The following KIF16B variants were observed in gnomAD, a reference collection of about 807,000 sequenced individuals.
KIF16B encodes kinesin family member 16B, also known as kinesin-like protein KIF16B.
In KIF16B, 98 loss-of-function variants were observed where a neutral mutation model predicts 156.3. The observed-to-expected ratio is 0.63, with a 90% CI of 0.53 to 0.74. KIF16B has a LOEUF of 0.74. Among genes scored for constraint, KIF16B ranks in the 30% least tolerant of loss-of-function variants. The pLI, the probability that KIF16B is intolerant of heterozygous loss-of-function variation, is 0.00. For missense variants in KIF16B, 1,421 were observed against 1,606.5 expected (o/e 0.88, Z 1.97); for synonymous variants, 564 against 583.7 (o/e 0.97, Z 0.49).
intron 25 of KIF16B, among the ~76,000 whole-genome samples, chr20:16,293,470 C>A (rs6034446): frequency 0.23 from 34,496 of 152,120 alleles, 4,841 homozygotes; most frequent in African/African-American, 0.4. Context: ...TGAGTGGGTA[C>A]ATGAAGGCAT....
chr20:16,572,703 G>A (rs892043861), intron 1 of KIF16B, among the ~76,000 whole-genome samples: 1 of 152,210 alleles, frequency 6.6e-6, no homozygotes, highest in South Asian at 2.1e-4. Context: ...TTTTCTAGGA[G>A]TCAGGACTTT....
At chr20:16,548,548 C>T (rs980678152) in intron 1 of KIF16B, among the ~76,000 whole-genome samples, 4 of 152,190 alleles carry the variant, frequency 2.6e-5, no homozygotes, top group East Asian at 1.9e-4. Context: ...CAAACCCTAT[C>T]GTAAATGGCG....
intron 25 of KIF16B, among the ~76,000 whole-genome samples, chr20:16,285,729 A>G (rs1601490988): frequency 6.6e-6 from 1 of 152,168 alleles, no homozygotes; most frequent in East Asian, 1.9e-4. Flanking sequence ...AGGTGGGAGG[A>G]TCACCTGAGT....
chr20:16,565,606 T>C lies in KIF16B; in HGVS notation c.47+7623A>G, dbSNP rs961216969. On this transcript the variant is annotated intron_variant, in intron 1 of 25. Coordinates refer to ENST00000354981, the MANE Select transcript of KIF16B (RefSeq NM_024704.5). ...GCTCATGCAGCACTGCTGTTACCCTTTCTCTTTCTGCTTTACCCTTCCTGA... is the reference window on the plus strand; with the variant it reads ...GCTCATGCAGCACTGCTGTTACCCTCTCTCTTTCTGCTTTACCCTTCCTGA... 3.3e-5 allele frequency among the ~76,000 whole-genome samples: 5 copies of C among 152,306 alleles called. No homozygotes were observed. The East Asian group carries it at 9.7e-4, about 29-fold the overall frequency.
intron 23 of KIF16B, among the ~76,000 whole-genome samples, chr20:16,338,194 C>T (rs752170479): frequency 5.9e-5 from 9 of 152,160 alleles, no homozygotes; most frequent in Non-Finnish European, 1.0e-4. Context: ...GAAGCACTTC[C>T]GTGGCAATGC....
intron 23 of KIF16B, among the ~76,000 whole-genome samples, chr20:16,344,130 CA>C (rs2123041427): frequency 6.6e-6 from 1 of 152,284 alleles, no homozygotes; most frequent in Admixed American, 6.5e-5. Context: ...TATGCAGCAA[CA>C]TAACTATGAG....
intron 15 of KIF16B, among the ~76,000 whole-genome samples, chr20:16,426,723 T>A (rs1398489832): frequency 1.3e-5 from 2 of 152,112 alleles, no homozygotes; most frequent in Non-Finnish European, 2.9e-5. Context: ...TGATACCAAA[T>A]CCTCTATGTA....
At chr20:16,529,123 A>T (rs1238430842) in intron 1 of KIF16B, among the ~76,000 whole-genome samples, 1 of 152,238 alleles carries the variant, frequency 6.6e-6, no homozygotes, top group Non-Finnish European at 1.5e-5. Context: ...ATGTAGAAAA[A>T]TACAAATTAT....
chr20:16,530,417 G>C (rs6044078), intron 1 of KIF16B, among the ~76,000 whole-genome samples: 36,453 of 152,072 alleles, frequency 0.24, 4,702 homozygotes, highest in South Asian at 0.3. Context: ...TGCCCTCTCT[G>C]TTTGAGCCCT....
intron 24 of KIF16B, among the ~76,000 whole-genome samples, chr20:16,330,108 T>A (rs1412567723): frequency 6.6e-6 from 1 of 152,240 alleles, no homozygotes; most frequent in East Asian, 1.9e-4. Context: ...TGGAACCCAG[T>A]GTCTTCTTGT....
chr20:16,309,621 C>A (rs1268874905), intron 25 of KIF16B, among the ~76,000 whole-genome samples: 1 of 152,162 alleles, frequency 6.6e-6, no homozygotes, highest in Non-Finnish European at 1.5e-5. Flanking sequence ...AGGTCCAAAT[C>A]TTAGAAATAT....
At chr20:16,307,246 T>A (rs1327969835) in intron 25 of KIF16B, among the ~76,000 whole-genome samples, 1 of 152,214 alleles carries the variant, frequency 6.6e-6, no homozygotes, top group African/African-American at 2.4e-5. Context: ...AATGACAGAT[T>A]ATTAAAATGA....
intron 13 of KIF16B, among the ~76,000 whole-genome samples, chr20:16,429,616 T>C (rs2066447026): frequency 6.6e-6 from 1 of 152,148 alleles, no homozygotes; most frequent in Non-Finnish European, 1.5e-5. Flanking sequence ...TACCTCCCTC[T>C]TACTAATCCT....
At chr20:16,491,782 C>T (rs935991979) in intron 12 of KIF16B, among the ~76,000 whole-genome samples, 10 of 152,164 alleles carry the variant, frequency 6.6e-5, no homozygotes, top group Admixed American at 2.6e-4. Flanking sequence ...GAGCTCACAC[C>T]CACCCCACAG....
intron 17 of KIF16B, among the ~76,000 whole-genome samples, chr20:16,392,764 T>A (rs2065400071): frequency 6.6e-6 from 1 of 152,204 alleles, no homozygotes. Flanking sequence ...AGTGGTATAG[T>A]CCTTCCTTCC....
At chr20:16,423,882 C>T (rs568728260) in intron 15 of KIF16B, among the ~76,000 whole-genome samples, 5 of 152,160 alleles carry the variant, frequency 3.3e-5, no homozygotes, top group African/African-American at 1.2e-4. Flanking sequence ...TGTGTATCTT[C>T]CCATTACTCC....
At chr20:16,371,398 C>T (rs573640685) in intron 21 of KIF16B, among the ~76,000 whole-genome samples, 1 of 152,076 alleles carries the variant, frequency 6.6e-6, no homozygotes, top group East Asian at 1.9e-4. Flanking sequence ...ACAAGCCTGG[C>T]TAACATGGTG....
At chr20:16,561,900 C>G (rs1023145897) in intron 1 of KIF16B, among the ~76,000 whole-genome samples, 1 of 152,164 alleles carries the variant, frequency 6.6e-6, no homozygotes, top group Non-Finnish European at 1.5e-5. Context: ...CAAACTGTCA[C>G]GTACCAGAGA....
chr20:16,550,709 A>AT (rs1342639764), intron 1 of KIF16B, among the ~76,000 whole-genome samples: 1 of 151,042 alleles, frequency 6.6e-6, no homozygotes, highest in East Asian at 2.0e-4. Flanking sequence ...AATTTTTTCT[A>AT]TTTTTTGTAG....
Sources: allele counts gnomAD v4.1 joint callset (sites outside exome capture counted in the v4.1 genomes callset), GRCh38; gene constraint gnomAD v4.1.1; transcripts MANE v1.5; gene names NCBI Gene and HGNC (gene_info 2026-07-23, HGNC 2026-07-21).